COL21A1: variants seen among roughly 807,000 people sequenced by gnomAD.
The protein encoded by COL21A1 is collagen alpha-1(XXI) chain.
In COL21A1, 149 loss-of-function variants were observed where a neutral mutation model predicts 137.9. The ratio of observed to expected loss-of-function variants is 1.08; its 90% CI spans 0.95 to 1.24. The LOEUF (loss-of-function observed/expected upper bound fraction) is 1.24. COL21A1 is among the 50% of genes most tolerant of loss of function. COL21A1 has a pLI of 0.00. For synonymous variants in COL21A1, 456 were observed against 391.5 expected, an observed-to-expected ratio of 1.16 and a Z score of -1.95; for missense variants, 1,167 against 1,158.4, an observed-to-expected ratio of 1.01 and a Z score of -0.11.
chr6:56,257,283 A>G (rs2152330056), intron 1 of COL21A1, among the ~76,000 whole-genome samples: 1 of 152,294 alleles, frequency 6.6e-6, no homozygotes, highest in East Asian at 1.9e-4. Flanking sequence ...CCAAAGGAAA[A>G]TATTTGTAGC....
chr6:56,141,587 T>C (rs1774412138), intron 12 of COL21A1, among the ~76,000 whole-genome samples, 198 bp downstream of exon 12: 1 of 152,222 alleles, frequency 6.6e-6, no homozygotes, highest in South Asian at 2.1e-4. Context: ...TTTCATTTGA[T>C]AGTGGTCAAT....
intron 10 of COL21A1, among the ~76,000 whole-genome samples, chr6:56,149,913 T>C (rs1405543897): frequency 6.6e-6 from 1 of 152,166 alleles, no homozygotes; most frequent in Non-Finnish European, 1.5e-5. Flanking sequence ...CTTTTAAAAA[T>C]AAGTTAAATC....
chr6:56,170,628 T>A (rs755874529), intron 5 of COL21A1, 21 bp downstream of exon 5: 1 of 1,513,286 alleles, frequency 6.6e-7, no homozygotes, highest in South Asian at 1.2e-5. Context: ...ATAATCATGG[T>A]ATTATCCCAG....
chr6:56,303,329 C>A (rs1764350123), intron 1 of COL21A1, among the ~76,000 whole-genome samples: 1 of 152,096 alleles, frequency 6.6e-6, no homozygotes, highest in Non-Finnish European at 1.5e-5. Flanking sequence ...GGCAGTATGG[C>A]CATTTTCACG....
chr6:56,338,999 G>A (rs991555271), intron 1 of COL21A1, among the ~76,000 whole-genome samples: 5 of 152,264 alleles, frequency 3.3e-5, no homozygotes, highest in Non-Finnish European at 5.9e-5. Context: ...CTTGTCTCTA[G>A]TAGCCATTTC....
intron 12 of COL21A1, among the ~76,000 whole-genome samples, chr6:56,138,527 C>T (rs1410802493): frequency 6.6e-6 from 1 of 151,632 alleles, no homozygotes; most frequent in Non-Finnish European, 1.5e-5. Context: ...AATCTAGGAG[C>T]ATGTGGTATC....
intron 1 of COL21A1, among the ~76,000 whole-genome samples, chr6:56,201,780 C>CA (rs1445851287): frequency 5.3e-5 from 8 of 151,872 alleles, no homozygotes; most frequent in African/African-American, 1.9e-4. Flanking sequence ...TAATTATAGA[C>CA]AAAAATACAT....
At chr6:56,123,914 T>C (rs1313228218) in intron 16 of COL21A1, 148 bp downstream of exon 16, 6 of 651,398 alleles carry the variant, frequency 9.2e-6, no homozygotes, top group African/African-American at 1.9e-5. Context: ...GTAGCATTTT[T>C]AAATTACACG....
intron 19 of COL21A1, among the ~76,000 whole-genome samples, chr6:56,074,511 T>C (rs1039232416): frequency 1.3e-5 from 2 of 151,486 alleles, no homozygotes; most frequent in Admixed American, 6.6e-5. Context: ...AGAGCGCTTA[T>C]GATTCTATTG....
At chr6:56,170,013 A>G (rs138246025) in intron 5 of COL21A1, among the ~76,000 whole-genome samples, 2,076 of 152,052 alleles carry the variant, frequency 0.014, 25 homozygotes, top group South Asian at 0.033. Context: ...GACTATCATA[A>G]TAATGAGCAA....
rs772818234 is a variant in COL21A1, at chr6:56,171,069, G to A, written c.700C>T (p.Leu234Phe). 7 of 1,609,272 alleles carry A rather than the reference G, an allele frequency of 4.3e-6. No individual in the cohort carries two copies. Among genetic ancestry groups the A allele is most frequent in the Middle Eastern group, 3.3e-4 (2 of 6,026 alleles). The change falls in exon 4 of 30, where the codon CTT becomes TTT. Residue 234 changes from leucine to phenylalanine, a missense_variant. Physicochemically the swap from Leu to Phe is conservative, Grantham distance 22. Transcript: ENST00000244728. Reference sequence around the variant, plus strand: ...TTTTTATTTACATCTAAACCTAAAAGAATATCAAATCCCCTTTCATCACGA... The same window carrying A: ...TTTTTATTTACATCTAAACCTAAAAAAATATCAAATCCCCTTTCATCACGA... ...AARDERGFDI[L>F]LGLDVNKKVK...
chr6:56,224,323 T>C (rs1373045845), intron 1 of COL21A1, among the ~76,000 whole-genome samples: 5 of 152,118 alleles, frequency 3.3e-5, no homozygotes, highest in Admixed American at 1.3e-4. Flanking sequence ...CTCAGGCTCA[T>C]AGTTCTTGAC....
chr6:56,220,759 TAGGAACC>T (rs1197008941), intron 1 of COL21A1, among the ~76,000 whole-genome samples: 1 of 152,126 alleles, frequency 6.6e-6, no homozygotes, highest in Non-Finnish European at 1.5e-5. Flanking sequence ...TGAGATCCTA[TAGGAACC>T]AGGCAATGGA....
chr6:56,192,371 G>C (rs184028337), intron 1 of COL21A1, among the ~76,000 whole-genome samples: 200 of 152,054 alleles, frequency 1.3e-3, no homozygotes, highest in African/African-American at 4.0e-3. Flanking sequence ...AAACTAAAGA[G>C]CTTCTGCAAA....
chr6:56,124,328 A>G, intron 14 of COL21A1, 36 bp from the exon 15 acceptor site: 1 of 1,565,078 alleles, frequency 6.4e-7, no homozygotes, highest in Non-Finnish European at 8.7e-7. Flanking sequence ...CACAATCTTT[A>G]CAATAATGTT....
chr6:56,336,281 G>A (rs1765328962), intron 1 of COL21A1, among the ~76,000 whole-genome samples: 1 of 152,082 alleles, frequency 6.6e-6, no homozygotes, highest in Non-Finnish European at 1.5e-5. Flanking sequence ...GAGAACAACT[G>A]GAATACTCCA....
intron 1 of COL21A1, among the ~76,000 whole-genome samples, chr6:56,377,500 A>C (rs1020642908): frequency 1.2e-4 from 19 of 152,270 alleles, no homozygotes; most frequent in Admixed American, 1.0e-3. Context: ...AACCAAACTC[A>C]GCTGACATTC....
At chr6:56,136,786 G>A (rs1315128311) in intron 12 of COL21A1, among the ~76,000 whole-genome samples, 1 of 152,062 alleles carries the variant, frequency 6.6e-6, no homozygotes, top group Admixed American at 6.6e-5. Context: ...GTCTTTTACT[G>A]CAATACATTT....
upstream of COL21A1, among the ~76,000 whole-genome samples, chr6:56,251,364 T>G (rs1782848106): frequency 6.6e-6 from 1 of 152,204 alleles, no homozygotes; most frequent in Admixed American, 6.5e-5. Flanking sequence ...AGGTGTCATA[T>G]CTACATTGTT....
Sources: allele counts gnomAD v4.1 joint callset (sites outside exome capture counted in the v4.1 genomes callset), GRCh38; gene constraint gnomAD v4.1.1; transcripts MANE v1.5; gene names NCBI Gene and HGNC (gene_info 2026-07-23, HGNC 2026-07-21).